CCNY: variants seen among roughly 807,000 people sequenced by gnomAD.
CCNY encodes cyclin Y, also known as cyclin-Y.
A neutral mutation model predicts 42.8 loss-of-function variants in CCNY; 19 were observed. The ratio of observed to expected loss-of-function variants is 0.44; its 90% CI spans 0.31 to 0.65. The LOEUF is 0.65. Among genes scored for constraint, CCNY ranks in the 30% least tolerant of loss-of-function variants. The pLI is 0.07. For missense variants in CCNY, 370 were observed against 437.3 expected (o/e 0.85, Z 1.37); for synonymous variants, 165 against 162.7 (o/e 1.01, Z -0.11).
intron 3 of CCNY, among the ~76,000 whole-genome samples, chr10:35,295,425 T>C (rs1447633502): frequency 1.3e-5 from 2 of 151,632 alleles, no homozygotes; most frequent in East Asian, 2.0e-4. Context: ...AGAGACAGGG[T>C]TTCTCCATGT....
chr10:35,248,270 C>T (rs941760771), intron 2 of CCNY: 4 of 152,348 alleles, frequency 2.6e-5, no homozygotes, highest in African/African-American at 9.7e-5. Context: ...CTAGAAAAAC[C>T]TTTTGTGTCT....
intron 7 of CCNY, among the ~76,000 whole-genome samples, chr10:35,548,538 T>C (rs1340977168): frequency 1.3e-5 from 2 of 152,010 alleles, no homozygotes; most frequent in Non-Finnish European, 2.9e-5. Context: ...CCTTGTGATC[T>C]GCCCACCTTG....
chr10:35,386,214 T>A (rs1012660809), intron 1 of CCNY, among the ~76,000 whole-genome samples: 9 of 152,244 alleles, frequency 5.9e-5, no homozygotes, highest in African/African-American at 1.9e-4. Context: ...TTATCTTTTT[T>A]AAATCTTCGT....
At chr10:35,406,789 C>T (rs974607146) in intron 1 of CCNY, among the ~76,000 whole-genome samples, 1 of 152,076 alleles carries the variant, frequency 6.6e-6, no homozygotes, top group Non-Finnish European at 1.5e-5. Context: ...GGGCTCCTCA[C>T]TTCCCAGTAG....
chr10:35,402,279 T>G (rs1837661726), intron 1 of CCNY, among the ~76,000 whole-genome samples: 1 of 152,122 alleles, frequency 6.6e-6, no homozygotes, highest in Admixed American at 6.5e-5. Context: ...CAGTTTTTTA[T>G]GAATTGAAAA....
chr10:35,561,710 A>AG (rs1347236964), intron 8 of CCNY, among the ~76,000 whole-genome samples: 9 of 152,222 alleles, frequency 5.9e-5, no homozygotes, highest in Non-Finnish European at 8.8e-5. Flanking sequence ...TCTCCTGCTC[A>AG]AGAATTATCC....
At chr10:35,381,819 C>T (rs1335464956) in intron 1 of CCNY, among the ~76,000 whole-genome samples, 1 of 152,148 alleles carries the variant, frequency 6.6e-6, no homozygotes, top group Non-Finnish European at 1.5e-5. Flanking sequence ...CTATAATTGT[C>T]ACTCTGTTTG....
intron 3 of CCNY, among the ~76,000 whole-genome samples, chr10:35,253,907 A>T (rs1284350540): frequency 1.5e-5 from 2 of 133,170 alleles, no homozygotes; most frequent in African/African-American, 5.7e-5. Flanking sequence ...ACGGAGTCTC[A>T]CTCTGTCGCC....
intron 1 of CCNY, among the ~76,000 whole-genome samples, chr10:35,363,779 T>G (rs1030596733): frequency 2.0e-5 from 3 of 152,120 alleles, no homozygotes; most frequent in African/African-American, 7.2e-5. Context: ...AAATCATTGT[T>G]GAAAGAGTGA....
At chr10:35,451,125 G>A (rs1200582520) in intron 1 of CCNY, among the ~76,000 whole-genome samples, 1 of 152,204 alleles carries the variant, frequency 6.6e-6, no homozygotes, top group Non-Finnish European at 1.5e-5. Context: ...GAATAAATGT[G>A]TATTTCCCAT....
chr10:35,386,083 T>C (rs537689225), intron 1 of CCNY, among the ~76,000 whole-genome samples: 2 of 152,336 alleles, frequency 1.3e-5, no homozygotes, highest in East Asian at 3.9e-4. Flanking sequence ...CCTCTGGATA[T>C]GTAATTCTGC....
At chr10:35,555,275 G>A (rs775072027) in intron 8 of CCNY, among the ~76,000 whole-genome samples, 1 of 152,160 alleles carries the variant, frequency 6.6e-6, no homozygotes, top group Non-Finnish European at 1.5e-5. Flanking sequence ...GTAGTCAAAT[G>A]AAAATGATGT....
intron 3 of CCNY, among the ~76,000 whole-genome samples, chr10:35,260,366 C>T (rs937255586): frequency 1.3e-5 from 2 of 152,180 alleles, no homozygotes; most frequent in African/African-American, 4.8e-5. Flanking sequence ...CCCACTATTG[C>T]ACCCATCCTG....
At chr10:35,549,700 G>A (rs34873490) in intron 7 of CCNY, among the ~76,000 whole-genome samples, 8 of 101,752 alleles carry the variant, frequency 7.9e-5, no homozygotes, top group Admixed American at 2.3e-4. Context: ...CTCATGGTCC[G>A]TGACCCTACA....
chr10:35,365,486 C>T (rs551464778), intron 1 of CCNY, among the ~76,000 whole-genome samples: 1 of 151,720 alleles, frequency 6.6e-6, no homozygotes, highest in Non-Finnish European at 1.5e-5. Context: ...TAAAAAATTG[C>T]AGAAGAATAA....
At chr10:35,437,678 A>T (rs1219615183) in intron 1 of CCNY, among the ~76,000 whole-genome samples, 1 of 151,966 alleles carries the variant, frequency 6.6e-6, no homozygotes, top group African/African-American at 2.4e-5. Context: ...AAAACCAAAA[A>T]ACACCACCAC....
intron 1 of CCNY, among the ~76,000 whole-genome samples, chr10:35,404,035 A>G (rs1206817848): frequency 2.0e-5 from 3 of 151,480 alleles, no homozygotes; most frequent in Admixed American, 6.6e-5. Context: ...GCCAGGAACA[A>G]TGGTAAGTGT....
chr10:35,306,562 T>C (rs113508789), intron 3 of CCNY, among the ~76,000 whole-genome samples: 21 of 152,042 alleles, frequency 1.4e-4, no homozygotes, highest in Non-Finnish European at 2.5e-4. Flanking sequence ...ATGAATGAAG[T>C]TTGTGGGTCA....
In CCNY at chr10:35,504,809, G is replaced by A. The variant is rs570467522; in HGVS notation, c.264+3274G>A. ...GCGCCACCATACCCGGCTAATTTTT[G>A]TATTTTTAGTAGAGACAGGAATTAG... On this transcript the variant is annotated intron_variant, in intron 3 of 9. Transcript: ENST00000374704. Among the ~76,000 whole-genome samples the A allele has an allele frequency of 4.6e-5, 7 of 152,156 alleles. 1 individual carries two copies. In the East Asian group the frequency reaches 1.4e-3, roughly 29 times the overall value.
Sources: allele counts gnomAD v4.1 joint callset (sites outside exome capture counted in the v4.1 genomes callset), GRCh38; gene constraint gnomAD v4.1.1; transcripts MANE v1.5; gene names NCBI Gene and HGNC (gene_info 2026-07-23, HGNC 2026-07-21).